The following CAMK1 variants were observed in gnomAD, a reference collection of about 807,000 sequenced individuals.
CAMK1 encodes the protein calcium/calmodulin-dependent protein kinase type 1.
A neutral mutation model predicts 49.1 loss-of-function variants in CAMK1; 39 were observed. The observed-to-expected ratio is 0.79, with a 90% CI of 0.62 to 1.04. The LOEUF is 1.04. Among genes scored for constraint, CAMK1 ranks in the 50% least tolerant of loss-of-function variants. CAMK1 has a pLI of 0.00. For missense variants in CAMK1, 457 were observed against 472.2 expected, an observed-to-expected ratio of 0.97 and a Z score of 0.30; for synonymous variants, 192 against 185.2, an observed-to-expected ratio of 1.04 and a Z score of -0.30.
At chr3:9,762,844 C>T in intron 5 of CAMK1, 70 bp downstream of exon 5, 2 of 1,524,196 alleles carry the variant, frequency 1.3e-6, no homozygotes, top group Non-Finnish European at 1.8e-6. Flanking sequence ...TGCCCAAGGT[C>T]AGACAGTTTG....
rs41276497 is a variant in CAMK1 at position 9,767,864 on chromosome 3, A to T, written c.-32-83T>A. 13,205 of 1,484,924 alleles carry T rather than the reference A, an allele frequency of 8.9e-3. 77 individuals carry two copies. The highest frequency in any genetic ancestry group is 0.011 in the Non-Finnish European group (11,919 of 1,112,830). The allele number at this position is 1,484,924 out of a possible 1,614,324, so 92.0% of individuals were successfully genotyped here. A position where few individuals can be genotyped will look rare whatever the true frequency, so the allele number is the denominator to read the frequency against. ...TACTGCAGGCCCCATTCAGTCATTCAACCTGCATTTATTCATCCTTGATTC... is the reference window on the plus strand; with the variant it reads ...TACTGCAGGCCCCATTCAGTCATTCTACCTGCATTTATTCATCCTTGATTC... On this transcript the variant is annotated intron_variant, in intron 1 of 11. Coordinates refer to ENST00000256460, the MANE Select transcript of CAMK1 (RefSeq NM_003656.5).
Position 9,761,442 on chromosome 3 carries a change from A to G in CAMK1, c.632+19T>C, listed in dbSNP as rs17252807. ...GACAACTCTGGAGCCACAGCCTACC[A>G]TGGCCAAGCCCCACTTACAAGATGT... is the stretch of plus-strand genomic sequence containing the variant. On this transcript the variant is annotated intron_variant, in intron 7 of 11. Transcript: ENST00000256460. The G allele has an allele frequency of 0.49, 785,727 of 1,599,426 alleles. 201,953 individuals are homozygous for G. Among genetic ancestry groups the G allele is most frequent in the Non-Finnish European group, 0.53 (622,164 of 1,171,052 alleles).
Position 9,757,616 on chromosome 3 carries a change from C to T in CAMK1, c.1036G>A (p.Ala346Thr), listed in dbSNP as rs2077643789. 6.2e-7 allele frequency: 1 copy of T among 1,614,174 alleles called. No homozygotes were observed. The highest frequency in any genetic ancestry group is 1.3e-5 in the African/African-American group (1 of 75,042). Residue 346 changes from alanine (A) to threonine (T), a missense_variant, in exon 12 of 12, where the codon GCA (alanine) becomes ACA (threonine). By Grantham distance (58) the Ala-to-Thr change is moderately conservative (BLOSUM62 0). Transcript: ENST00000256460. This position sits in a 1 kb window ranked among gnomAD's most constrained non-coding sequence, Gnocchi z 4.5. ...ELLTPVAGGP[A>T]AGCCCRDCCV... is the part of the protein sequence containing the mutation. The stretch of plus-strand genomic sequence containing the variant: ...CAGTCTCGACAGCAACAGCCAGCTG[C>T]CGGCCCTGCATGGGAAGACAGAACA...
rs372987743 is a variant in CAMK1 at position 9,767,693 on chromosome 3, G to C, written c.57C>G (p.Ile19Met). 12 of 1,614,030 alleles carry C rather than the reference G, an allele frequency of 7.4e-6. No individual in the cohort carries two copies. Among genetic ancestry groups the C allele is most frequent in the East Asian group, 2.2e-5 (1 of 44,890 alleles). ...RWKQAEDIRD[I>M]YDFRDVLGTG... The stretch of plus-strand genomic sequence containing the variant: ...TGCCCAGAACATCTCGGAAGTCGTA[G>C]ATGTCTCTAATGTCCTCCGCCTGCT... Residue 19 changes from isoleucine (I) to methionine (M), a missense_variant, in exon 2 of 12, where the codon ATC (isoleucine) becomes ATG (methionine). By Grantham distance (10) the Ile-to-Met change is conservative. Coordinates refer to ENST00000256460, the MANE Select transcript of CAMK1 (RefSeq NM_003656.5).
In CAMK1 at chr3:9,761,631, C is replaced by G; in HGVS notation, c.556G>C (p.Ala186Pro). The part of the protein sequence containing the change: ...STACGTPGYV[A>P]PEVLAQKPYS... Reference sequence around the variant, plus strand: ...AGCCCCAGCCCAGGGCCCTCCGCACCCACGTATCCCGGAGTTCCACAGGCG... The same window carrying G: ...AGCCCCAGCCCAGGGCCCTCCGCACGCACGTATCCCGGAGTTCCACAGGCG... The change falls in exon 6 of 12, where the codon GCC (alanine) becomes CCC (proline). Residue 186 changes from alanine (A) to proline (P), a missense_variant and splice_region_variant. Transcript: ENST00000256460. The G allele has an allele frequency of 6.2e-7, 1 of 1,614,132 alleles. No individual in the cohort carries two copies.
chr3:9,763,425 G>T (rs1386824624), intron 3 of CAMK1, among the ~76,000 whole-genome samples: 3 of 144,882 alleles, frequency 2.1e-5, no homozygotes, highest in Non-Finnish European at 1.5e-5. Flanking sequence ...AAAAAAAACA[G>T]CGGTTTAGAG....
chr3:9,759,556 G>C lies in CAMK1; in HGVS notation c.844C>G (p.Leu282Val). Reference protein sequence around the residue: ...QHPWIAGDTALDKNIHQSVSE... With the variant: ...QHPWIAGDTAVDKNIHQSVSE... ...ACCGACTGGTGGATATTCTTATCTA[G>C]AGCTGTATCTCCTGCAATCCTAGGA... The change falls in exon 10 of 12, where the codon CTA becomes GTA. Residue 282 changes from leucine to valine, a missense_variant. Physicochemically the swap from Leu to Val is conservative, Grantham distance 32 (BLOSUM62 1). Transcript: ENST00000256460. 1 of 1,614,142 alleles carries C rather than the reference G, an allele frequency of 6.2e-7. No individual in the cohort carries two copies. The highest frequency in any genetic ancestry group is 8.5e-7 in the Non-Finnish European group (1 of 1,180,024).
chr3:9,763,425 G>A (rs1386824624), intron 3 of CAMK1, among the ~76,000 whole-genome samples: 9 of 144,920 alleles, frequency 6.2e-5, no homozygotes, highest in African/African-American at 2.1e-4. Flanking sequence ...AAAAAAAACA[G>A]CGGTTTAGAG....
Position 9,761,658 on chromosome 3 carries a change from T to TG in CAMK1, c.528dup (p.Thr177HisfsTer12), listed in dbSNP as rs753550953. 1 of 1,613,938 alleles carries TG rather than the reference T, an allele frequency of 6.2e-7. No individual in the cohort carries two copies. Among genetic ancestry groups the TG allele is most frequent in the Non-Finnish European group, 8.5e-7 (1 of 1,179,942 alleles). On this transcript the variant is annotated frameshift_variant, in exon 6 of 12. Transcript: ENST00000256460. LOFTEE classifies it high-confidence loss of function. ...ACGTATCCCGGAGTTCCACAGGCGG[T>TG]GGAGAGCACACTGCCCGGGTCCTCC...
chr3:9,767,364 T>A (rs2078182936), intron 2 of CAMK1, among the ~76,000 whole-genome samples: 1 of 152,224 alleles, frequency 6.6e-6, no homozygotes, highest in Non-Finnish European at 1.5e-5. Flanking sequence ...CAGAGCCATC[T>A]CCAGCCTCAG....
intron 3 of CAMK1, 45 bp downstream of exon 3, chr3:9,765,714 A>G: frequency 1.9e-6 from 3 of 1,606,722 alleles, no homozygotes; most frequent in Middle Eastern, 1.8e-4. Flanking sequence ...TGGGAGGGCC[A>G]AGGCAGGGTC....
chr3:9,768,291 T>A (rs2078211436), intron 1 of CAMK1, among the ~76,000 whole-genome samples: 1 of 152,228 alleles, frequency 6.6e-6, no homozygotes, highest in South Asian at 2.1e-4. Flanking sequence ...GCCACATTTT[T>A]AAATAGCTCT....
At chr3:9,761,895 C>G (rs912529292) in intron 5 of CAMK1, 138 bp from the exon 6 acceptor site, 3 of 1,381,358 alleles carry the variant, frequency 2.2e-6, no homozygotes, top group Admixed American at 5.5e-5. Flanking sequence ...ATAAGAAAAT[C>G]AAGGAAGCTC....
chr3:9,762,779 G>C (rs1426414541), intron 5 of CAMK1, 135 bp downstream of exon 5: 10 of 811,730 alleles, frequency 1.2e-5, no homozygotes, highest in Non-Finnish European at 2.0e-5. Flanking sequence ...CAGTTTAAAG[G>C]TTACAAGATC....
At chr3:9,761,365 AAGGGAGGGCAG>A in intron 7 of CAMK1, 85 bp downstream of exon 7, 2 of 1,257,484 alleles carry the variant, frequency 1.6e-6, no homozygotes, top group Admixed American at 2.3e-5. Flanking sequence ...GGAGGGAAGG[AAGGGAGGGCAG>A]AGGGAGAGCA....
At chr3:9,766,925 CT>C (rs1365993111) in intron 2 of CAMK1, among the ~76,000 whole-genome samples, 2 of 152,148 alleles carry the variant, frequency 1.3e-5, no homozygotes, top group African/African-American at 4.8e-5. Flanking sequence ...AATATCCAGC[CT>C]CCCTGGCCTG....
chr3:9,760,896 G>T, intron 7 of CAMK1, 128 bp from the exon 8 acceptor site: 4 of 1,352,510 alleles, frequency 3.0e-6, no homozygotes, highest in Non-Finnish European at 4.0e-6. Flanking sequence ...AACTCTACCA[G>T]CCCTGCCTGC....
At chr3:9,762,842 G>A (rs993392725) in intron 5 of CAMK1, 72 bp downstream of exon 5, 32 of 1,514,030 alleles carry the variant, frequency 2.1e-5, no homozygotes, top group Non-Finnish European at 2.8e-5. Flanking sequence ...GTTGCCCAAG[G>A]TCAGACAGTT....
In CAMK1 at chr3:9,765,904, G is replaced by A; in HGVS notation, c.84-14C>T. On this transcript the variant is annotated splice_polypyrimidine_tract_variant and intron_variant, in intron 2 of 11. Transcript: ENST00000256460. The stretch of plus-strand genomic sequence containing the variant: ...GAGAAGGCCCCCCTATCGGGAGAGG[G>A]GATTCACAAGGTGAAGAACTGGAAC... 1.2e-6 allele frequency: 2 copies of A among 1,613,936 alleles called. No individual in the cohort carries two copies. Among genetic ancestry groups the A allele is most frequent in the South Asian group, 1.1e-5 (1 of 91,060 alleles).
Sources: gnomAD v4.1 joint callset for allele counts (sites outside exome capture counted in the v4.1 genomes callset) on GRCh38, gnomAD v4.1.1 for gene constraint, Gnocchi (gnomAD v3.1) non-coding constraint, MANE v1.5 for transcripts, NCBI Gene and HGNC (gene_info 2026-07-23, HGNC 2026-07-21) for gene names.